Variants in GP6 observed in about 807,000 individuals in gnomAD.
GP6 encodes platelet glycoprotein VI.
Under a neutral mutation model 37.3 loss-of-function variants are expected in GP6, and 45 were observed. The ratio of observed to expected loss-of-function variants is 1.21; its 90% CI spans 0.95 to 1.55. GP6 has a LOEUF of 1.55. Among genes scored for constraint, GP6 ranks in the 40% most tolerant of loss-of-function variants. GP6 has a pLI of 0.00. For synonymous variants in GP6, 340 were observed against 316.4 expected, an observed-to-expected ratio of 1.07 and a Z score of -0.79; for missense variants, 813 against 760.2, an observed-to-expected ratio of 1.07 and a Z score of -0.82.
intron 1 of GP6, 50 bp downstream of exon 1, chr19:55,038,153 A>G (rs1448082908): frequency 1.4e-6 from 2 of 1,424,138 alleles, no homozygotes; most frequent in African/African-American, 2.8e-5. Flanking sequence ...TTTGTCTGGC[A>G]GTCCATGCCT....
Position 55,027,662 on chromosome 19 carries a change from C to T in GP6, c.526G>A (p.Gly176Arg), listed in dbSNP as rs755790003. The change falls in exon 4 of 8, where the codon GGA becomes AGA. Residue 176 changes from glycine (G) to arginine (R), a missense_variant. Coordinates refer to ENST00000310373, the MANE Select transcript of GP6 (RefSeq NM_001083899.2). ...GAGAAGCTGTAGCATCGGTAGGTTC[C>T]GCTGTGGGCGGCGGTCACCGTGATG... is the stretch of plus-strand genomic sequence containing the variant. 6.8e-6 allele frequency: 11 copies of T among 1,612,500 alleles called. No individual in the cohort carries two copies. The highest frequency in any genetic ancestry group is 4.4e-5 in the South Asian group (4 of 91,054).
Position 55,014,840 on chromosome 19 carries a change from C to G in GP6, c.1105G>C (p.Val369Leu). 2 of 1,614,042 alleles carry G rather than the reference C, an allele frequency of 1.2e-6. No individual in the cohort carries two copies. The highest frequency in any genetic ancestry group is 8.5e-7 in the Non-Finnish European group (1 of 1,179,998). The stretch of plus-strand genomic sequence containing the variant: ...TGTAGCCTCTGCCCTCCTGCTTCCA[C>G]GCTCCACACACGCCAGTCTTTGAGT... The change falls in exon 8 of 8, where the codon GTG (valine) becomes CTG (leucine). Residue 369 changes from valine (V) to leucine (L), a missense_variant. By Grantham distance (32) the Val-to-Leu change is conservative. Transcript: ENST00000310373.
At position 55,013,897 on chromosome 19, in the gene GP6, C is replaced by G. The variant is rs1029439772; in HGVS notation, c.*185G>C. 2.7e-6 allele frequency: 1 copy of G among 368,372 alleles called. No homozygotes were observed. The highest frequency in any genetic ancestry group is 2.1e-5 in the African/African-American group (1 of 47,118). The allele number at this position is 368,372 out of a possible 1,614,324, so 22.8% of individuals were successfully genotyped here. The stretch of plus-strand genomic sequence containing the variant: ...CACTCATTAGATGGTCAAGAAATGC[C>G]TAAACGCTATAATAAATATAGAACT... On this transcript the variant is annotated 3_prime_UTR_variant, in exon 8 of 8. Coordinates refer to ENST00000310373, the MANE Select transcript of GP6 (RefSeq NM_001083899.2).
At chr19:55,027,977 G>C in intron 3 of GP6, 115 bp from the exon 4 acceptor site, 1 of 984,478 alleles carries the variant, frequency 1.0e-6, no homozygotes, top group Non-Finnish European at 1.6e-6. Context: ...ATCCCTCCCA[G>C]AGAGCGCACT....
At chr19:55,021,330 C>T (rs559540591) in intron 5 of GP6, among the ~76,000 whole-genome samples, 3 of 148,536 alleles carry the variant, frequency 2.0e-5, no homozygotes, top group South Asian at 4.3e-4. Context: ...CACCACTGCA[C>T]TCCAGCATGG....
chr19:55,022,234 C>G (rs1374613946), intron 5 of GP6, among the ~76,000 whole-genome samples: 1 of 152,260 alleles, frequency 6.6e-6, no homozygotes, highest in Admixed American at 6.5e-5. Context: ...ATGCCTGTGT[C>G]CTGAATGGTA....
chr19:55,025,690 A>AGT (rs1328889370), intron 4 of GP6, among the ~76,000 whole-genome samples: 1 of 150,834 alleles, frequency 6.6e-6, no homozygotes, highest in Non-Finnish European at 1.5e-5. Context: ...TGGGTGACGC[A>AGT]GTAAGACTCC....
At chr19:55,020,912 C>G (rs2074053251) in intron 5 of GP6, among the ~76,000 whole-genome samples, 1 of 151,652 alleles carries the variant, frequency 6.6e-6, no homozygotes, top group Non-Finnish European at 1.5e-5. Context: ...ATTAGCCAGG[C>G]GTTGTGGCAT....
chr19:55,018,677 T>C lies in GP6; in HGVS notation c.699A>G (p.Ser233=). The C allele has an allele frequency of 6.2e-7, 1 of 1,608,200 alleles. No individual in the cohort carries two copies. Among genetic ancestry groups the C allele is most frequent in the Non-Finnish European group, 8.5e-7 (1 of 1,174,526 alleles). Reference sequence around the variant, plus strand: ...CAGTTGTGAAGACTTCGTTTGTGAATGAGACGGTCAGTTCAGCGGTGGCTT... The same window carrying C: ...CAGTTGTGAAGACTTCGTTTGTGAACGAGACGGTCAGTTCAGCGGTGGCTT... Residue 233 remains serine, a synonymous_variant, in exon 6 of 8, where the codon TCA becomes TCG. Coordinates refer to ENST00000310373, the MANE Select transcript of GP6 (RefSeq NM_001083899.2).
At chr19:55,035,929 C>T (rs917234201) in intron 1 of GP6, among the ~76,000 whole-genome samples, 13 of 145,902 alleles carry the variant, frequency 8.9e-5, no homozygotes, top group African/African-American at 3.1e-4. Flanking sequence ...AAAAATTAGC[C>T]GGGCATGGTG....
chr19:55,027,822 C>A lies in GP6; in HGVS notation c.366G>T (p.Pro122=), dbSNP rs756389201. The A allele has an allele frequency of 6.2e-7, 1 of 1,614,150 alleles. No individual in the cohort carries two copies. Among genetic ancestry groups the A allele is most frequent in the East Asian group, 2.2e-5 (1 of 44,890 alleles). ...TTACGTCCCCTCCTGACGACACCGCCGGGCCGGGCTGGGCTGAGAGCGAGG... is the reference window on the plus strand; with the variant it reads ...TTACGTCCCCTCCTGACGACACCGCAGGGCCGGGCTGGGCTGAGAGCGAGG... The change falls in exon 4 of 8, where the codon CCG becomes CCT. Residue 122 remains proline, a synonymous_variant. Coordinates refer to ENST00000310373, the MANE Select transcript of GP6 (RefSeq NM_001083899.2).
At chr19:55,031,476 T>C (rs1369608000) in intron 3 of GP6, among the ~76,000 whole-genome samples, 1 of 152,102 alleles carries the variant, frequency 6.6e-6, no homozygotes, top group Non-Finnish European at 1.5e-5. Context: ...AAAACACAGA[T>C]AAAGGGTTGC....
intron 3 of GP6, among the ~76,000 whole-genome samples, chr19:55,031,717 G>A (rs1187984197): frequency 2.6e-5 from 4 of 152,074 alleles, no homozygotes; most frequent in South Asian, 2.1e-4. Context: ...ACAGGAGTTC[G>A]AGACCAGCCT....
At chr19:55,029,384 T>A (rs2074473533) in intron 3 of GP6, among the ~76,000 whole-genome samples, 1 of 51,498 alleles carries the variant, frequency 1.9e-5, no homozygotes, top group African/African-American at 9.3e-5. Flanking sequence ...ATTTTTTTTT[T>A]TTTTTTTTTT....
chr19:55,037,034 AAAAAG>A (rs2074857031), intron 1 of GP6, among the ~76,000 whole-genome samples: 1 of 152,158 alleles, frequency 6.6e-6, no homozygotes, highest in African/African-American at 2.4e-5. Flanking sequence ...ACAAAAAGAA[AAAAAG>A]AATACATCCA....
intron 5 of GP6, among the ~76,000 whole-genome samples, chr19:55,024,681 A>G (rs1005727774): frequency 1.3e-5 from 2 of 152,218 alleles, no homozygotes; most frequent in African/African-American, 2.4e-5. Flanking sequence ...TTCTGGAGCC[A>G]TAGCATCAGC....
intron 6 of GP6, among the ~76,000 whole-genome samples, chr19:55,018,016 C>T (rs574557991): frequency 2.5e-4 from 38 of 152,002 alleles, no homozygotes; most frequent in Middle Eastern, 3.4e-3. Flanking sequence ...TACAGTGAGC[C>T]GAGATCGCAC....
chr19:55,026,918 T>A (rs1282699715), intron 4 of GP6, among the ~76,000 whole-genome samples: 1 of 150,606 alleles, frequency 6.6e-6, no homozygotes, highest in African/African-American at 2.4e-5. Flanking sequence ...TTCTCCCAGC[T>A]GCCTGTAGCC....
At chr19:55,021,201 GA>G (rs71181727) in intron 5 of GP6, among the ~76,000 whole-genome samples, 93 of 127,388 alleles carry the variant, frequency 7.3e-4, no homozygotes, top group African/African-American at 1.9e-3. Flanking sequence ...TCTACTAAAA[GA>G]AAAAAAAAAA....
Sources: gnomAD v4.1 joint callset for allele counts (sites outside exome capture counted in the v4.1 genomes callset) on GRCh38, gnomAD v4.1.1 for gene constraint, MANE v1.5 for transcripts, NCBI Gene and HGNC (gene_info 2026-07-23, HGNC 2026-07-21) for gene names.